Variants in CEP57 observed in about 807,000 individuals in gnomAD.
CEP57 encodes the protein centrosomal protein of 57 kDa.
A neutral mutation model predicts 68.0 loss-of-function variants in CEP57; 40 were observed. That is an observed-to-expected ratio of 0.59 (90% CI 0.46 to 0.77). CEP57 has a LOEUF of 0.77. Ranked by LOEUF, CEP57 falls within the 30% of genes least tolerant of loss-of-function variation. The probability of loss-of-function intolerance (pLI) is 0.00; values close to 1 mark genes in which losing one functional copy is unlikely to be tolerated. For missense variants in CEP57, 606 were observed against 580.7 expected, an observed-to-expected ratio of 1.04 and a Z score of -0.45; for synonymous variants, 219 against 198.7, an observed-to-expected ratio of 1.10 and a Z score of -0.86.
chr11:95,822,195 A>G, intron 7 of CEP57: 1 of 590,684 alleles, frequency 1.7e-6, no homozygotes. Flanking sequence ...AGAACACCAT[A>G]CAAAATTAGC....
intron 6 of CEP57, among the ~76,000 whole-genome samples, chr11:95,820,448 G>A (rs779283424): frequency 1.3e-4 from 20 of 151,812 alleles, no homozygotes; most frequent in Non-Finnish European, 2.4e-4. Context: ...AAAATTGGCC[G>A]GGTATGGTGG....
intron 10 of CEP57, among the ~76,000 whole-genome samples, chr11:95,830,222 A>G (rs1862944248): frequency 2.0e-5 from 3 of 152,220 alleles, no homozygotes; most frequent in South Asian, 4.1e-4. Flanking sequence ...GGAAGTATGC[A>G]TATATCCTCA....
intron 2 of CEP57, among the ~76,000 whole-genome samples, chr11:95,803,034 A>G (rs748757758): frequency 3.9e-5 from 6 of 152,198 alleles, no homozygotes; most frequent in Non-Finnish European, 5.9e-5. Flanking sequence ...TATGTGGTCT[A>G]TATGTTTGAG....
chr11:95,830,096 A>G (rs1387715501), intron 10 of CEP57, among the ~76,000 whole-genome samples: 1 of 152,230 alleles, frequency 6.6e-6, no homozygotes, highest in African/African-American at 2.4e-5. Context: ...GCCATATGAT[A>G]GACACACAGT....
chr11:95,806,457 C>T (rs1861805421), intron 2 of CEP57, among the ~76,000 whole-genome samples: 1 of 152,196 alleles, frequency 6.6e-6, no homozygotes, highest in African/African-American at 2.4e-5. Flanking sequence ...GGGGTTGGGC[C>T]ATTCCCTTTC....
chr11:95,816,160 T>C (rs756761265), intron 4 of CEP57, among the ~76,000 whole-genome samples: 3 of 152,158 alleles, frequency 2.0e-5, no homozygotes, highest in Non-Finnish European at 4.4e-5. Flanking sequence ...TTAACACTTA[T>C]GGTGGAAGGG....
chr11:95,827,879 A>G lies in CEP57; in HGVS notation c.979A>G (p.Ile327Val), dbSNP rs35604386. The change falls in exon 9 of 11, where the codon ATC becomes GTC. Residue 327 changes from isoleucine (I) to valine (V), a missense_variant. By Grantham distance (29) the Ile-to-Val change is conservative (BLOSUM62 3). Coordinates refer to ENST00000325542, the MANE Select transcript of CEP57 (RefSeq NM_014679.5). ...HSKALCNDRV[I>V]NSIPLAKQVS... ...TAAAGCTTTGTGCAATGATCGAGTC[A>G]TCAACAGTATTCCTTTGGCAAAGCA... 7.5e-4 allele frequency: 1,204 copies of G among 1,614,160 alleles called. 9 individuals are homozygous for G. In the African/African-American group the frequency reaches 0.015, roughly 20 times the overall value.
At chr11:95,820,281 A>T (rs943222150) in intron 6 of CEP57, among the ~76,000 whole-genome samples, 6 of 152,136 alleles carry the variant, frequency 3.9e-5, no homozygotes, top group Non-Finnish European at 7.3e-5. Context: ...ACAATGAGGG[A>T]TAGATGTGTG....
Position 95,821,911 on chromosome 11 carries a change from A to G in CEP57, c.740A>G (p.Asp247Gly), listed in dbSNP as rs1370381834. 1 of 1,612,710 alleles carries G rather than the reference A, an allele frequency of 6.2e-7. No individual in the cohort carries two copies. ...GAAACAAATAGACTTATCTTTGAAG[A>G]TAAGGCAACTCCGTGTGTTCCCAAT... ...GLETNRLIFEDKATPCVPNAR... is the reference protein window; with the variant it reads ...GLETNRLIFEGKATPCVPNAR... The change falls in exon 7 of 11, where the codon GAT (aspartate) becomes GGT (glycine). Residue 247 changes from aspartate (D) to glycine (G), a missense_variant. Transcript: ENST00000325542.
At chr11:95,825,297 ACT>A (rs1026575252) in intron 8 of CEP57, among the ~76,000 whole-genome samples, 2 of 152,060 alleles carry the variant, frequency 1.3e-5, no homozygotes, top group African/African-American at 2.4e-5. Context: ...GTTGGAGAAA[ACT>A]CTCCAGGTGA....
At chr11:95,794,385 G>C (rs577025994) in intron 1 of CEP57, 6 of 452,000 alleles carry the variant, frequency 1.3e-5, no homozygotes, top group African/African-American at 1.2e-4. Flanking sequence ...GCTTTACTCG[G>C]TCATACTAAA....
intron 2 of CEP57, among the ~76,000 whole-genome samples, chr11:95,802,091 G>T (rs1861603941): frequency 6.6e-6 from 1 of 152,120 alleles, no homozygotes; most frequent in South Asian, 2.1e-4. Context: ...AAAGACATTT[G>T]TTGGGGATAG....
At chr11:95,803,288 T>C (rs1174063460) in intron 2 of CEP57, among the ~76,000 whole-genome samples, 2 of 152,138 alleles carry the variant, frequency 1.3e-5, no homozygotes, top group African/African-American at 4.8e-5. Flanking sequence ...GTGAATTAGA[T>C]GGAGATGAAT....
intron 2 of CEP57, among the ~76,000 whole-genome samples, chr11:95,810,924 AAGTC>A (rs1400697019): frequency 1.3e-5 from 2 of 152,140 alleles, no homozygotes; most frequent in Non-Finnish European, 1.5e-5. Context: ...GATCATTAAA[AAGTC>A]AGGAAACAAC....
At chr11:95,817,341 G>A (rs1293607867) in intron 4 of CEP57, among the ~76,000 whole-genome samples, 2 of 152,146 alleles carry the variant, frequency 1.3e-5, no homozygotes, top group East Asian at 3.9e-4. Flanking sequence ...ACTCTGGCCT[G>A]GGCGACAGAG....
chr11:95,800,393 T>TA (rs1034895892), intron 2 of CEP57, among the ~76,000 whole-genome samples: 7 of 151,636 alleles, frequency 4.6e-5, no homozygotes, highest in African/African-American at 7.3e-5. Context: ...CTTTTTTTTT[T>TA]TTATTTTTTA....
At chr11:95,798,934 T>C (rs1322283660) in intron 1 of CEP57, among the ~76,000 whole-genome samples, 1 of 152,238 alleles carries the variant, frequency 6.6e-6, no homozygotes, top group African/African-American at 2.4e-5. Context: ...TTTCACAGTA[T>C]ATATTTTTAA....
chr11:95,803,650 T>C (rs1861673454), intron 2 of CEP57, among the ~76,000 whole-genome samples: 1 of 145,046 alleles, frequency 6.9e-6, no homozygotes, highest in African/African-American at 2.5e-5. Context: ...CCAGGTGGAC[T>C]TGAAGAACAT....
intron 1 of CEP57, among the ~76,000 whole-genome samples, chr11:95,792,783 T>C (rs942482761): frequency 3.3e-5 from 5 of 152,190 alleles, no homozygotes; most frequent in Non-Finnish European, 5.9e-5. Context: ...AAAACAAAAA[T>C]GACTAAATTT....
Sources: gnomAD v4.1 joint callset for allele counts (sites outside exome capture counted in the v4.1 genomes callset) on GRCh38, gnomAD v4.1.1 for gene constraint, MANE v1.5 for transcripts, NCBI Gene and HGNC (gene_info 2026-07-23, HGNC 2026-07-21) for gene names.